GRIK3: variants seen among roughly 807,000 people sequenced by gnomAD.
GRIK3 encodes glutamate receptor ionotropic, kainate 3.
GRIK3 carries 29 observed loss-of-function variants against 102.5 expected under a neutral mutation model. That is an observed-to-expected ratio of 0.28 (90% CI 0.21 to 0.39). GRIK3 has a LOEUF of 0.39. Ranked by LOEUF, GRIK3 falls within the 10% of genes least tolerant of loss-of-function variation. The pLI is 1.00. For synonymous variants in GRIK3, 511 were observed against 504.9 expected, an observed-to-expected ratio of 1.01 and a Z score of -0.16; for missense variants, 908 against 1,252.4, an observed-to-expected ratio of 0.73 and a Z score of 4.15.
chr1:36,873,641 G>GC (rs913255466), intron 3 of GRIK3, among the ~76,000 whole-genome samples: 8 of 149,084 alleles, frequency 5.4e-5, no homozygotes, highest in Admixed American at 1.3e-4. Flanking sequence ...TCCCACCCCT[G>GC]CCCCCCCACC....
At chr1:36,820,397 A>T (rs1381823764) in intron 11 of GRIK3, among the ~76,000 whole-genome samples, 1 of 152,228 alleles carries the variant, frequency 6.6e-6, no homozygotes, top group Non-Finnish European at 1.5e-5. Context: ...GCAATAGAAA[A>T]TAAGAACAAT....
chr1:37,033,983 G>A lies in GRIK3; in HGVS notation c.115+11C>T, dbSNP rs1212309159. On this transcript the variant is annotated intron_variant, in intron 1 of 15. Transcript: ENST00000373091. The stretch of plus-strand genomic sequence containing the variant: ...GGCGCACGGAGACCCCCGGCTCCAG[G>A]GAGCGCTTACCGATCCGGATGACGT... 1.4e-5 allele frequency: 22 copies of A among 1,533,376 alleles called. No homozygotes were observed. The highest frequency in any genetic ancestry group is 2.0e-5 in the Non-Finnish European group (22 of 1,122,252). 95.0% of individuals were successfully genotyped at this position (1,533,376 alleles called of 1,614,324 possible).
chr1:36,972,402 C>T (rs1642153132), intron 1 of GRIK3, among the ~76,000 whole-genome samples: 1 of 152,210 alleles, frequency 6.6e-6, no homozygotes, highest in African/African-American at 2.4e-5. Flanking sequence ...GGCACCCCAG[C>T]CAGCTCCTGG....
chr1:36,871,746 T>G (rs1489231383), intron 4 of GRIK3, among the ~76,000 whole-genome samples: 1 of 152,158 alleles, frequency 6.6e-6, no homozygotes, highest in African/African-American at 2.4e-5. Context: ...TAACACCAAG[T>G]GCCGTGGGCT....
intron 1 of GRIK3, among the ~76,000 whole-genome samples, chr1:36,923,774 G>A (rs928404193): frequency 5.9e-5 from 9 of 152,088 alleles, no homozygotes; most frequent in East Asian, 5.8e-4. Flanking sequence ...GAACCCCATC[G>A]GGGGTGTATC....
chr1:36,850,238 G>A lies in GRIK3; in HGVS notation c.1326+73C>T, dbSNP rs1640565809. 2 of 895,544 alleles carry A rather than the reference G, an allele frequency of 2.2e-6. No homozygotes were observed. The highest frequency in any genetic ancestry group is 2.4e-5 in the East Asian group (1 of 41,492). The allele number at this position is 895,544 out of a possible 1,614,324, so 55.5% of individuals were successfully genotyped here. ...ATCTTCTGGGTGGGGGGGATAGAGG[G>A]GACTCTCCAGCCCGAACGGCCACCC... On this transcript the variant is annotated intron_variant, in intron 9 of 15. Transcript: ENST00000373091. This position sits in a 1 kb window ranked among gnomAD's most constrained non-coding sequence, Gnocchi z 4.0.
At chr1:36,945,885 G>A (rs1641778447) in intron 1 of GRIK3, among the ~76,000 whole-genome samples, 1 of 152,142 alleles carries the variant, frequency 6.6e-6, no homozygotes, top group Non-Finnish European at 1.5e-5. Context: ...CATTCCCATG[G>A]ATCCCTGCAG....
chr1:36,851,236 CAGAG>C (rs1640581250), intron 8 of GRIK3, among the ~76,000 whole-genome samples: 1 of 152,230 alleles, frequency 6.6e-6, no homozygotes, highest in South Asian at 2.1e-4. Context: ...GAGCAGACAG[CAGAG>C]AGACATGTAA....
At chr1:37,022,344 G>A (rs1642723357) in intron 1 of GRIK3, among the ~76,000 whole-genome samples, 1 of 152,206 alleles carries the variant, frequency 6.6e-6, no homozygotes, top group Non-Finnish European at 1.5e-5. Context: ...AGAAAGAGCA[G>A]CCGAGATGCT....
intron 1 of GRIK3, among the ~76,000 whole-genome samples, chr1:36,936,284 G>T (rs1167015914): frequency 5.9e-5 from 9 of 152,216 alleles, no homozygotes; most frequent in Admixed American, 5.9e-4. Flanking sequence ...GGGATGGCAA[G>T]GGGGCTCACT....
chr1:36,879,194 G>T (rs573758499), intron 3 of GRIK3, among the ~76,000 whole-genome samples: 3 of 152,236 alleles, frequency 2.0e-5, no homozygotes, highest in African/African-American at 7.2e-5. Context: ...TGCTTGCCAA[G>T]ACCAAGAACT....
At chr1:36,920,752 A>C (rs1015625810) in intron 1 of GRIK3, among the ~76,000 whole-genome samples, 2 of 152,072 alleles carry the variant, frequency 1.3e-5, no homozygotes, top group African/African-American at 4.8e-5. Flanking sequence ...GCCATTCCCC[A>C]CACCCACACC....
chr1:36,985,207 C>T (rs1342148890), intron 1 of GRIK3, among the ~76,000 whole-genome samples: 4 of 152,108 alleles, frequency 2.6e-5, no homozygotes, highest in African/African-American at 4.8e-5. Context: ...GGCCCTTTCT[C>T]GTTAGCACTC....
chr1:36,804,728 G>A, intron 15 of GRIK3: 1 of 552,606 alleles, frequency 1.8e-6, no homozygotes, highest in South Asian at 2.6e-5. Flanking sequence ...AAGCATGGAG[G>A]CTGGAGGGCC....
At chr1:36,853,815 C>A (rs575546109) in intron 7 of GRIK3, 93 bp from the exon 8 acceptor site, 44 of 746,742 alleles carry the variant, frequency 5.9e-5, no homozygotes, top group Non-Finnish European at 1.0e-4. Context: ...TTACTCCTTG[C>A]ACTGATACTG....
chr1:36,990,059 T>C lies in GRIK3; in HGVS notation c.115+43935A>G, dbSNP rs530005096. Among the ~76,000 whole-genome samples, 81 of 152,126 alleles carry C rather than the reference T, an allele frequency of 5.3e-4. 2 individuals carry two copies. The Middle Eastern group carries it at 0.01, about 19-fold the overall frequency. On this transcript the variant is annotated intron_variant, in intron 1 of 15. Transcript: ENST00000373091. Reference sequence around the variant, plus strand: ...CAAGTGGGGCGGTGTAGCTTCTGAGTGGACCCTTCAGCACTGCACTGGACA... The same window carrying C: ...CAAGTGGGGCGGTGTAGCTTCTGAGCGGACCCTTCAGCACTGCACTGGACA...
chr1:36,798,857 C>T lies in GRIK3; in HGVS notation c.*2994G>A, dbSNP rs1642400323. 4 of 152,240 alleles carry T rather than the reference C, an allele frequency of 2.6e-5. No homozygotes were observed. The highest frequency in any genetic ancestry group is 1.3e-4 in the Admixed American group (2 of 15,292). 9.4% of individuals were successfully genotyped at this position (152,240 alleles called of 1,614,324 possible). A position where few individuals can be genotyped will look rare whatever the true frequency, so the allele number is the denominator to read the frequency against. On this transcript the variant is annotated 3_prime_UTR_variant, in exon 16 of 16. Transcript: ENST00000373091. ...CCAGTCGGTACATTTTGGGGGGTTTCTCGAATTGAATTCTGCCTCTATTTA... is the reference window on the plus strand; with the variant it reads ...CCAGTCGGTACATTTTGGGGGGTTTTTCGAATTGAATTCTGCCTCTATTTA...
At chr1:36,821,614 C>T (rs1642696371) in intron 11 of GRIK3, among the ~76,000 whole-genome samples, 1 of 152,246 alleles carries the variant, frequency 6.6e-6, no homozygotes, top group South Asian at 2.1e-4. Context: ...CACAGTGCTT[C>T]CCCTGGACCA....
At chr1:36,870,230 C>G (rs1383410744) in intron 4 of GRIK3, among the ~76,000 whole-genome samples, 2 of 152,134 alleles carry the variant, frequency 1.3e-5, no homozygotes, top group South Asian at 2.1e-4. Flanking sequence ...ACGTTTCCCC[C>G]CAACCCTGCT....
Sources: gnomAD v4.1 joint callset for allele counts (sites outside exome capture counted in the v4.1 genomes callset) on GRCh38, gnomAD v4.1.1 for gene constraint, Gnocchi (gnomAD v3.1) non-coding constraint, MANE v1.5 for transcripts, NCBI Gene and HGNC (gene_info 2026-07-23, HGNC 2026-07-21) for gene names.